The following GPHN variants were observed in gnomAD, a reference collection of about 807,000 sequenced individuals.
GPHN encodes gephyrin.
A neutral mutation model predicts 95.5 loss-of-function variants in GPHN; 17 were observed. The observed-to-expected ratio is 0.18, with a 90% confidence interval of 0.12 to 0.27. The LOEUF is 0.27. Ranked by LOEUF, GPHN falls within the 10% of genes least tolerant of loss-of-function variation. The probability of loss-of-function intolerance (pLI) is 1.00; values close to 1 mark genes in which losing one functional copy is unlikely to be tolerated. For synonymous variants in GPHN, 320 were observed against 322.5 expected, an observed-to-expected ratio of 0.99 and a Z score of 0.08; for missense variants, 660 against 978.1, an observed-to-expected ratio of 0.67 and a Z score of 4.34.
chr14:67,730,758 C>A, the GPHN span, among the ~76,000 whole-genome samples: 10 of 152,004 alleles, frequency 6.6e-5, no homozygotes. Flanking sequence ...TGCCCGCCAC[C>A]ACACCTGACT....
intron 8 of GPHN, among the ~76,000 whole-genome samples, chr14:66,929,215 C>T (rs1388437329): frequency 6.6e-6 from 1 of 151,932 alleles, no homozygotes; most frequent in Non-Finnish European, 1.5e-5. Context: ...GCCACCGTGC[C>T]CAGCTAATTT....
At chr14:66,709,244 T>C in intron 2 of GPHN, 1 of 373,960 alleles carries the variant, frequency 2.7e-6, no homozygotes, top group Non-Finnish European at 5.6e-6. Context: ...CTTTTAAACA[T>C]AAAATAGCAC....
chr14:66,568,304 T>C (rs191339187), intron 1 of GPHN, among the ~76,000 whole-genome samples: 71 of 152,292 alleles, frequency 4.7e-4, no homozygotes, highest in Non-Finnish European at 7.5e-4. Flanking sequence ...CAGAATATTG[T>C]TTTGTGTTTT....
the GPHN span, chr14:67,589,390 T>C: frequency 2.0e-6 from 2 of 985,118 alleles, no homozygotes; most frequent in African/African-American, 3.5e-5. Context: ...GTCTGGCCTT[T>C]TGTCTCATCC....
chr14:67,567,004 G>A, the GPHN span, among the ~76,000 whole-genome samples: 1 of 152,160 alleles, frequency 6.6e-6, no homozygotes, highest in East Asian at 1.9e-4. Flanking sequence ...CCCCCAGCTA[G>A]GCCCCAAGGA....
chr14:66,788,865 A>G (rs2059876720), intron 3 of GPHN, among the ~76,000 whole-genome samples: 1 of 152,026 alleles, frequency 6.6e-6, no homozygotes, highest in Admixed American at 6.6e-5. Flanking sequence ...ACCATGTTTT[A>G]GTAAAGATGG....
chr14:67,303,424 G>A, the GPHN span: 2 of 910,834 alleles, frequency 2.2e-6, no homozygotes, highest in Non-Finnish European at 3.6e-6. Context: ...CTGTGGAGGG[G>A]TTCTGAAATA....
intron 15 of GPHN, 84 bp from the exon 16 acceptor site, chr14:67,112,934 C>CT: frequency 7.8e-7 from 1 of 1,276,414 alleles, no homozygotes; most frequent in Non-Finnish European, 1.1e-6. Flanking sequence ...CTTGAATGTC[C>CT]TTTTTTGACA....
intron 10 of GPHN, among the ~76,000 whole-genome samples, chr14:67,034,825 A>C (rs1449086625): frequency 6.6e-6 from 1 of 152,130 alleles, no homozygotes; most frequent in Non-Finnish European, 1.5e-5. Flanking sequence ...ACAATAACAC[A>C]ATAATGGTAG....
intron 1 of GPHN, among the ~76,000 whole-genome samples, chr14:66,587,322 A>G (rs780116415): frequency 6.6e-5 from 10 of 152,308 alleles, no homozygotes; most frequent in South Asian, 2.1e-4. Context: ...AGTAATACCA[A>G]TGCTTCTGAA....
chr14:67,551,996 C>T, the GPHN span, among the ~76,000 whole-genome samples: 49,339 of 152,118 alleles, frequency 0.32, 8,126 homozygotes, highest in Middle Eastern at 0.34. Context: ...CAGGAGAGTC[C>T]CAGGTGCTCC....
At chr14:67,663,529 C>T in the GPHN span, among the ~76,000 whole-genome samples, 1 of 151,940 alleles carries the variant, frequency 6.6e-6, no homozygotes, top group Admixed American at 6.6e-5. Flanking sequence ...AAAAAATTAG[C>T]CTGGTGTGGT....
chr14:67,417,742 T>A, the GPHN span, among the ~76,000 whole-genome samples: 1 of 150,724 alleles, frequency 6.6e-6, no homozygotes, highest in Non-Finnish European at 1.5e-5. Flanking sequence ...TTTGGATTTT[T>A]TGTTGCTGCT....
At chr14:66,902,308 A>G (rs974343128) in intron 5 of GPHN, among the ~76,000 whole-genome samples, 7 of 152,076 alleles carry the variant, frequency 4.6e-5, no homozygotes, top group Admixed American at 3.9e-4. Context: ...AGGTCATGTC[A>G]TCTGCAAACA....
intron 1 of GPHN, among the ~76,000 whole-genome samples, chr14:66,575,312 A>G (rs1362840352): frequency 6.6e-6 from 1 of 152,100 alleles, no homozygotes. Context: ...ATCATCTTAT[A>G]ATGTTTCCCC....
At chr14:67,645,044 A>G in the GPHN span, among the ~76,000 whole-genome samples, 1 of 151,992 alleles carries the variant, frequency 6.6e-6, no homozygotes, top group Admixed American at 6.6e-5. Context: ...TATATAAGGT[A>G]ACATGCAATA....
chr14:67,620,170 C>A, the GPHN span: 1 of 1,022,698 alleles, frequency 9.8e-7, no homozygotes, highest in Non-Finnish European at 1.4e-6. Context: ...GTGCGGGGGA[C>A]CGGGAGGCGA....
intron 2 of GPHN, among the ~76,000 whole-genome samples, chr14:66,706,102 A>G (rs1039901416): frequency 6.6e-6 from 1 of 152,150 alleles, no homozygotes; most frequent in South Asian, 2.1e-4. Flanking sequence ...TACAGCTAAC[A>G]AGGGATGTGA....
At chr14:67,056,212 T>C (rs2075557745) in intron 10 of GPHN, among the ~76,000 whole-genome samples, 1 of 152,230 alleles carries the variant, frequency 6.6e-6, no homozygotes, top group African/African-American at 2.4e-5. Context: ...TTGGTCCGTT[T>C]TCACAGGTTG....
Sources: gnomAD v4.1 joint callset for allele counts (sites outside exome capture counted in the v4.1 genomes callset) on GRCh38, gnomAD v4.1.1 for gene constraint, MANE v1.5 for transcripts, NCBI Gene and HGNC (gene_info 2026-07-23, HGNC 2026-07-21) for gene names.